The following PRKD1 variants were observed in gnomAD, a reference collection of about 807,000 sequenced individuals.
PRKD1 encodes protein kinase D1.
A neutral mutation model predicts 95.9 loss-of-function variants in PRKD1; 63 were observed. The observed-to-expected ratio is 0.66, with a 90% CI of 0.54 to 0.81. The LOEUF is 0.81. PRKD1 is among the 30% of genes least tolerant of loss of function. PRKD1 has a pLI of 0.00. For synonymous variants in PRKD1, 425 were observed against 423.1 expected, an observed-to-expected ratio of 1.00 and a Z score of -0.05; for missense variants, 1,048 against 1,165.3, an observed-to-expected ratio of 0.90 and a Z score of 1.47.
intron 1 of PRKD1, among the ~76,000 whole-genome samples, chr14:29,837,927 A>C (rs1325659735): frequency 6.6e-6 from 1 of 152,214 alleles, no homozygotes. Flanking sequence ...CATCAGTACC[A>C]ATTTTGTAAA....
rs758826307 is a variant in PRKD1 at position 29,666,174 on chromosome 14, G to C, written c.438C>G (p.Pro146=). The change falls in exon 3 of 18, where the codon CCC becomes CCG. Residue 146 remains proline (P), a synonymous_variant. Coordinates refer to ENST00000331968, the MANE Select transcript of PRKD1 (RefSeq NM_002742.3). ...TGTATGAATGAACAAAGAGAGCGTG[G>C]GGACGAATCTGAAAGTCTTCAAAGG... The part of the protein sequence containing the change: ...SATFEDFQIR[P]HALFVHSYRA... 4 of 1,602,476 alleles carry C rather than the reference G, an allele frequency of 2.5e-6. No homozygotes were observed. Among genetic ancestry groups the C allele is most frequent in the Admixed American group, 3.3e-5 (2 of 59,902 alleles).
intron 1 of PRKD1, among the ~76,000 whole-genome samples, chr14:29,796,309 C>T (rs1000912204): frequency 3.9e-5 from 6 of 152,030 alleles, no homozygotes; most frequent in East Asian, 1.9e-4. Context: ...GAAATTGGTA[C>T]GAATGTTTAA....
intron 4 of PRKD1, among the ~76,000 whole-genome samples, chr14:29,645,722 A>AT (rs1566510285): frequency 6.6e-6 from 1 of 152,004 alleles, no homozygotes; most frequent in Non-Finnish European, 1.5e-5. Context: ...CTAGACACGC[A>AT]TAACTGTTAT....
chr14:29,723,788 G>T (rs1383069942), intron 2 of PRKD1, among the ~76,000 whole-genome samples: 1 of 152,016 alleles, frequency 6.6e-6, no homozygotes, highest in African/African-American at 2.4e-5. Flanking sequence ...TTAGAGAATA[G>T]CTCCTTTTAA....
In PRKD1 at chr14:29,576,945, T is replaced by C. The variant is rs1251342502; in HGVS notation, c.*293A>G. ...AAGCTCCAGTAAGAAAAACACTGAT[T>C]TGCAAAGGCACAGTGGAGACAGGTT... On this transcript the variant is annotated 3_prime_UTR_variant, in exon 18 of 18. Coordinates refer to ENST00000331968, the MANE Select transcript of PRKD1 (RefSeq NM_002742.3). 2.5e-6 allele frequency: 1 copy of C among 400,090 alleles called. No homozygotes were observed. Among genetic ancestry groups the C allele is most frequent in the Non-Finnish European group, 4.7e-6 (1 of 215,040 alleles). The allele number at this position is 400,090 out of a possible 1,614,324, so 24.8% of individuals were successfully genotyped here.
intron 2 of PRKD1, among the ~76,000 whole-genome samples, chr14:29,679,535 C>G (rs928050619): frequency 5.3e-5 from 8 of 152,078 alleles, no homozygotes; most frequent in African/African-American, 1.9e-4. Context: ...CATAGTCAAC[C>G]TTCTAGGATT....
intron 1 of PRKD1, among the ~76,000 whole-genome samples, chr14:29,800,991 G>T (rs376971526): frequency 6.6e-6 from 1 of 152,088 alleles, no homozygotes; most frequent in Non-Finnish European, 1.5e-5. Flanking sequence ...AAATGCTAGT[G>T]TAATATTTTG....
chr14:29,882,120 A>G (rs1024306104), intron 1 of PRKD1, among the ~76,000 whole-genome samples: 6 of 117,854 alleles, frequency 5.1e-5, no homozygotes, highest in African/African-American at 1.8e-4. Flanking sequence ...CAATAAATAT[A>G]TGAATAACTT....
At chr14:29,669,082 G>T (rs1318345881) in intron 2 of PRKD1, among the ~76,000 whole-genome samples, 3 of 152,042 alleles carry the variant, frequency 2.0e-5, no homozygotes, top group African/African-American at 7.2e-5. Flanking sequence ...TTTTTAAAGA[G>T]TACAATTAAA....
Position 29,702,456 on chromosome 14 carries a change from T to C in PRKD1, c.403+23080A>G, listed in dbSNP as rs187276190. Among the ~76,000 whole-genome samples, 61 of 152,196 alleles carry C rather than the reference T, an allele frequency of 4.0e-4. No individual in the cohort carries two copies. In the Middle Eastern group the frequency reaches 0.011, roughly 28 times the overall value. ...CTTCCCTGTTATATGAGGTACTTGA[T>C]ACAGGTTAAGAAAGTTTATCTTTAT... is the stretch of plus-strand genomic sequence containing the variant. On this transcript the variant is annotated intron_variant, in intron 2 of 17. Coordinates refer to ENST00000331968, the MANE Select transcript of PRKD1 (RefSeq NM_002742.3).
intron 13 of PRKD1, among the ~76,000 whole-genome samples, chr14:29,603,104 C>G (rs1338872844): frequency 6.6e-6 from 1 of 152,170 alleles, no homozygotes; most frequent in Non-Finnish European, 1.5e-5. Flanking sequence ...TAAGTATACA[C>G]AACTGATAAA....
Position 29,826,804 on chromosome 14 carries a change from CATATATAT to C in PRKD1, c.264+100437_264+100444del, listed in dbSNP as rs1303314668. On this transcript the variant is annotated intron_variant, in intron 1 of 17. Coordinates refer to ENST00000331968, the MANE Select transcript of PRKD1 (RefSeq NM_002742.3). ...ATACATATATACACATATATATACA[CATATATAT>C]ACACATATATATATATATATATATA... Among the ~76,000 whole-genome samples, 43 of 33,506 alleles carry C rather than the reference CATATATAT, an allele frequency of 1.3e-3. 3 individuals are homozygous for C. The highest frequency in any genetic ancestry group is 4.3e-3 in the African/African-American group (38 of 8,908). 22.0% of individuals were successfully genotyped at this position (33,506 alleles called of 152,430 possible).
At chr14:29,925,597 C>G (rs1363024917) in intron 1 of PRKD1, among the ~76,000 whole-genome samples, 1 of 152,084 alleles carries the variant, frequency 6.6e-6, no homozygotes, top group Non-Finnish European at 1.5e-5. Flanking sequence ...TACCAAACCT[C>G]TTGAACTAGG....
chr14:29,653,101 T>C (rs1881612494), intron 4 of PRKD1, among the ~76,000 whole-genome samples: 1 of 152,196 alleles, frequency 6.6e-6, no homozygotes, highest in African/African-American at 2.4e-5. Context: ...GTGTCTTCAT[T>C]ACATGTGAGT....
In PRKD1 at chr14:29,897,310, T is replaced by C. The variant is rs564163527; in HGVS notation, c.264+29939A>G. On this transcript the variant is annotated intron_variant, in intron 1 of 17. Coordinates refer to ENST00000331968, the MANE Select transcript of PRKD1 (RefSeq NM_002742.3). The stretch of plus-strand genomic sequence containing the variant: ...AATACTACTGTATACTATTTCCTTA[T>C]TGTAAGATATTTGAGTTGTTTGCTA... 6.6e-5 allele frequency among the ~76,000 whole-genome samples: 10 copies of C among 152,270 alleles called. No homozygotes were observed. The South Asian group carries it at 1.0e-3, about 16-fold the overall frequency.
chr14:29,713,754 T>A (rs917818609), intron 2 of PRKD1, among the ~76,000 whole-genome samples: 4 of 152,182 alleles, frequency 2.6e-5, no homozygotes, highest in African/African-American at 9.7e-5. Flanking sequence ...TATCCTTTCT[T>A]TCTAAGATGA....
intron 1 of PRKD1, among the ~76,000 whole-genome samples, chr14:29,886,759 T>C (rs1017725975): frequency 2.6e-5 from 4 of 152,212 alleles, no homozygotes; most frequent in African/African-American, 9.6e-5. Flanking sequence ...TAAGATAATC[T>C]TCAATAGATT....
At chr14:29,584,688 AC>A (rs1184819429) in intron 16 of PRKD1, among the ~76,000 whole-genome samples, 2 of 152,188 alleles carry the variant, frequency 1.3e-5, no homozygotes, top group Admixed American at 6.5e-5. Context: ...AAGTTTCAAT[AC>A]CCATATTGTA....
intron 1 of PRKD1, among the ~76,000 whole-genome samples, chr14:29,853,048 G>A (rs1285728285): frequency 3.9e-5 from 6 of 152,078 alleles, no homozygotes; most frequent in Non-Finnish European, 8.8e-5. Flanking sequence ...AAAAAAGATA[G>A]TTCATATAAA....
Sources: allele counts gnomAD v4.1 joint callset (sites outside exome capture counted in the v4.1 genomes callset), GRCh38; gene constraint gnomAD v4.1.1; transcripts MANE v1.5; gene names NCBI Gene and HGNC (gene_info 2026-07-23, HGNC 2026-07-21).